Variants in DYSF observed in about 807,000 individuals in gnomAD.
DYSF encodes the protein dysferlin.
A neutral mutation model predicts 274.9 loss-of-function variants in DYSF; 212 were observed. The ratio of observed to expected loss-of-function variants is 0.77; its 90% CI spans 0.69 to 0.86. The LOEUF (loss-of-function observed/expected upper bound fraction) is 0.86. Among genes scored for constraint, DYSF ranks in the 40% least tolerant of loss-of-function variants. The pLI, the probability that DYSF is intolerant of heterozygous loss-of-function variation, is 0.00. For missense variants in DYSF, 2,666 were observed against 2,783.2 expected, an observed-to-expected ratio of 0.96 and a Z score of 0.95; for synonymous variants, 1,091 against 1,078.7, an observed-to-expected ratio of 1.01 and a Z score of -0.22.
chr2:71,678,867 CT>C (rs2095259547), intron 52 of DYSF, among the ~76,000 whole-genome samples, 189 bp from the exon 53 acceptor site: 1 of 152,028 alleles, frequency 6.6e-6, no homozygotes, highest in African/African-American at 2.4e-5. Context: ...GAATGGGAAG[CT>C]GTATAGATGG....
At chr2:71,454,378 A>T (rs1264045644) in intron 1 of DYSF, among the ~76,000 whole-genome samples, 3 of 152,166 alleles carry the variant, frequency 2.0e-5, no homozygotes, top group African/African-American at 4.8e-5. Flanking sequence ...CCTTTTCGGG[A>T]TCTCTGAAAA....
intron 4 of DYSF, among the ~76,000 whole-genome samples, chr2:71,509,609 A>G (rs995256649): frequency 6.6e-6 from 1 of 151,916 alleles, no homozygotes; most frequent in African/African-American, 2.4e-5. Flanking sequence ...TCTCCTATTT[A>G]TTTACTGTGG....
exon 1 of DYSF, chr2:71,453,808 C>T (rs1401086171): frequency 7.7e-6 from 5 of 648,944 alleles, no homozygotes; most frequent in Non-Finnish European, 5.6e-6. Context: ...CCAGCCTAGC[C>T]CACTGGAGCA....
upstream of DYSF, among the ~76,000 whole-genome samples, chr2:71,465,949 A>T (rs1428077830): frequency 6.6e-6 from 1 of 152,076 alleles, no homozygotes; most frequent in African/African-American, 2.4e-5. Flanking sequence ...CTTGCAGGGG[A>T]CAGAATGGGC....
chr2:71,589,448 C>T, intron 30 of DYSF, 145 bp from the exon 31 acceptor site: 1 of 701,174 alleles, frequency 1.4e-6, no homozygotes, highest in Non-Finnish European at 2.6e-6. Context: ...AGGTTGAGCT[C>T]CCCAGAATGA....
intron 42 of DYSF, among the ~76,000 whole-genome samples, chr2:71,646,086 G>T (rs2094563713): frequency 6.6e-6 from 1 of 152,224 alleles, no homozygotes; most frequent in Admixed American, 6.5e-5. Flanking sequence ...TGTGCCTGGA[G>T]ACCTGGCTGC....
chr2:71,550,375 C>T (rs570080852), intron 17 of DYSF, among the ~76,000 whole-genome samples: 3 of 151,930 alleles, frequency 2.0e-5, no homozygotes, highest in East Asian at 3.9e-4. Context: ...GAACTCTCCT[C>T]TGACCTGCTC....
chr2:71,556,568 C>T (rs2091356688), intron 22 of DYSF, among the ~76,000 whole-genome samples: 2 of 152,160 alleles, frequency 1.3e-5, no homozygotes, highest in African/African-American at 2.4e-5. Context: ...GGGGAGCCAC[C>T]CATGGGTTTT....
chr2:71,640,739 CCGTG>C (rs1458445434), intron 41 of DYSF, among the ~76,000 whole-genome samples: 3 of 126,926 alleles, frequency 2.4e-5, no homozygotes, highest in African/African-American at 6.5e-5. Flanking sequence ...TGAGATTAAT[CCGTG>C]TGTGTGTGTG....
intron 4 of DYSF, among the ~76,000 whole-genome samples, chr2:71,506,721 T>A (rs9309456): frequency 0.75 from 114,551 of 151,996 alleles, 44,149 homozygotes; most frequent in Middle Eastern, 0.83. Flanking sequence ...TGGGGCCCAC[T>A]GACACGCCCA....
At chr2:71,617,893 AG>A (rs2093940179) in intron 40 of DYSF, among the ~76,000 whole-genome samples, 2 of 46,280 alleles carry the variant, frequency 4.3e-5, no homozygotes, top group Non-Finnish European at 9.0e-5. Context: ...TGTGTGGTAG[AG>A]GTGTGTTTGT....
intron 29 of DYSF, among the ~76,000 whole-genome samples, chr2:71,571,437 GAT>G (rs2092439128): frequency 1.3e-5 from 1 of 77,516 alleles, no homozygotes; most frequent in East Asian, 8.5e-4. Flanking sequence ...AGCACACACA[GAT>G]CACACCCAGC....
At chr2:71,668,920 GT>G in intron 49 of DYSF, 78 bp downstream of exon 49, 1 of 1,488,740 alleles carries the variant, frequency 6.7e-7, no homozygotes, top group South Asian at 1.2e-5. Context: ...GGACTAGGCG[GT>G]TGCTCTTTTC....
intron 42 of DYSF, among the ~76,000 whole-genome samples, chr2:71,645,529 C>G (rs1314384470): frequency 7.9e-5 from 12 of 151,712 alleles, no homozygotes; most frequent in Admixed American, 2.6e-4. Context: ...TGTGTTTCTG[C>G]CCGCTAGGGT....
chr2:71,615,165 G>A lies in DYSF; in HGVS notation c.4464+1755G>A, dbSNP rs1460238129. Among the ~76,000 whole-genome samples, 1 of 152,214 alleles carries A rather than the reference G, an allele frequency of 6.6e-6. No individual in the cohort carries two copies. The highest frequency in any genetic ancestry group is 1.5e-5 in the Non-Finnish European group (1 of 68,040). On this transcript the variant is annotated intron_variant, in intron 40 of 55. Transcript: ENST00000410020. The surrounding 1 kb of genome is among the most constrained non-coding windows in gnomAD (Gnocchi z 4.9). ...ACAGCCAGAGGCAGACGATGAGGAG[G>A]CCCAGCCTGGCCATCCTCCCGGCGT...
At chr2:71,457,407 A>C (rs997245847) in intron 1 of DYSF, among the ~76,000 whole-genome samples, 2 of 152,136 alleles carry the variant, frequency 1.3e-5, no homozygotes, top group Non-Finnish European at 2.9e-5. Flanking sequence ...CTGGCTCCTG[A>C]GCCCCCACAA....
At chr2:71,680,355 C>G (rs1382350541) in intron 53 of DYSF, among the ~76,000 whole-genome samples, 1 of 152,172 alleles carries the variant, frequency 6.6e-6, no homozygotes, top group Non-Finnish European at 1.5e-5. Context: ...CCTTTTACTT[C>G]TGCTGGGAGC....
intron 3 of DYSF, among the ~76,000 whole-genome samples, chr2:71,489,860 A>G (rs934162284): frequency 4.6e-5 from 7 of 152,202 alleles, no homozygotes; most frequent in Non-Finnish European, 1.0e-4. Flanking sequence ...CTATCCTGGC[A>G]CTGTCTGTAA....
chr2:71,629,351 C>A lies in DYSF; in HGVS notation c.4527+8742C>A, dbSNP rs1343925910. Among the ~76,000 whole-genome samples the A allele has an allele frequency of 2.0e-5, 3 of 152,092 alleles. No homozygotes were observed. The East Asian group carries it at 5.8e-4, about 29-fold the overall frequency. ...CTGTCCCTTTGCAATATTTTTAATG[C>A]CTTTTATTTATTTAAACAGTTTTTC... On this transcript the variant is annotated intron_variant, in intron 41 of 55. Coordinates refer to ENST00000410020, the MANE Select transcript of DYSF (RefSeq NM_001130987.2).
Sources: allele counts gnomAD v4.1 joint callset (sites outside exome capture counted in the v4.1 genomes callset), GRCh38; gene constraint gnomAD v4.1.1; non-coding constraint Gnocchi (gnomAD v3.1); transcripts MANE v1.5; gene names NCBI Gene and HGNC (gene_info 2026-07-23, HGNC 2026-07-21).